The following HOMER2 variants were observed in gnomAD, a reference collection of about 807,000 sequenced individuals.
HOMER2 encodes homer scaffold protein 2, also known as homer protein homolog 2.
Under a neutral mutation model 47.0 loss-of-function variants are expected in HOMER2, and 27 were observed. That is an observed-to-expected ratio of 0.57 (90% CI 0.42 to 0.79). The LOEUF (loss-of-function observed/expected upper bound fraction) is 0.79, where lower values mean the gene tolerates loss of function less well. HOMER2 is among the 30% of genes least tolerant of loss of function. The pLI is 0.00. For synonymous variants in HOMER2, 161 were observed against 163.8 expected, an observed-to-expected ratio of 0.98 and a Z score of 0.13; for missense variants, 443 against 435.0, an observed-to-expected ratio of 1.02 and a Z score of -0.16.
chr15:82,927,443 C>T (rs1270781488), intron 1 of HOMER2, among the ~76,000 whole-genome samples: 4 of 152,088 alleles, frequency 2.6e-5, no homozygotes, highest in Non-Finnish European at 4.4e-5. Flanking sequence ...TTACCTAGGA[C>T]GGAGGAGCTT....
chr15:82,854,187 C>T (rs1465345967), intron 6 of HOMER2, among the ~76,000 whole-genome samples: 1 of 152,138 alleles, frequency 6.6e-6, no homozygotes, highest in Non-Finnish European at 1.5e-5. Flanking sequence ...GGTGTATCAC[C>T]TGAGGCCAGG....
At chr15:82,846,651 T>G (rs925587040), downstream of HOMER2, 1 of 152,186 alleles carries the variant, frequency 6.6e-6, no homozygotes, top group Non-Finnish European at 1.5e-5. Flanking sequence ...ATCTGCAAAA[T>G]GCAGGTGACA....
intron 1 of HOMER2, among the ~76,000 whole-genome samples, chr15:82,939,111 T>C (rs572388521): frequency 1.3e-5 from 2 of 152,362 alleles, no homozygotes; most frequent in Non-Finnish European, 2.9e-5. Context: ...GAGCTGAATT[T>C]ATACTTGCTA....
At chr15:82,959,678 C>T (rs1017361235) in intron 1 of HOMER2, among the ~76,000 whole-genome samples, 3 of 152,172 alleles carry the variant, frequency 2.0e-5, no homozygotes, top group South Asian at 2.1e-4. Context: ...GCCCAGGCAT[C>T]GGCAATCCTT....
chr15:82,912,433 G>T (rs1004132941), intron 1 of HOMER2, among the ~76,000 whole-genome samples: 1 of 151,852 alleles, frequency 6.6e-6, no homozygotes, highest in African/African-American at 2.4e-5. Flanking sequence ...TTCTTTTTAT[G>T]GCTGTATTAT....
rs539971221 is a variant in HOMER2 at position 82,848,996 on chromosome 15, A to T, written c.*719T>A. The stretch of plus-strand genomic sequence containing the variant: ...TCTGTGTACACATTTAATTGAACAA[A>T]TATTTATTAAGCACCTACTTTGTGC... On this transcript the variant is annotated 3_prime_UTR_variant, in exon 9 of 9. Transcript: ENST00000450735. 6.6e-6 allele frequency: 1 copy of T among 152,348 alleles called. No individual in the cohort carries two copies. The highest frequency in any genetic ancestry group is 6.5e-5 in the Admixed American group (1 of 15,300). 9.4% of individuals were successfully genotyped at this position (152,348 alleles called of 1,614,324 possible).
intron 1 of HOMER2, among the ~76,000 whole-genome samples, chr15:82,985,090 G>A (rs1305033832): frequency 6.6e-6 from 1 of 152,108 alleles, no homozygotes; most frequent in Non-Finnish European, 1.5e-5. Context: ...GAGATGAGGG[G>A]GAGAGACAGG....
In HOMER2 at chr15:82,950,558, A is replaced by T. The variant is rs531838153; in HGVS notation, c.5+1973T>A. On this transcript the variant is annotated intron_variant, in intron 1 of 8. Coordinates refer to ENST00000450735, the MANE Select transcript of HOMER2 (RefSeq NM_004839.4). Reference sequence around the variant, plus strand: ...CGGCTCCCTCCACCCTCCTGTCTGAATTGCTTCCCCAGCCCTTAGCTGCAT... The same window carrying T: ...CGGCTCCCTCCACCCTCCTGTCTGATTTGCTTCCCCAGCCCTTAGCTGCAT... Among the ~76,000 whole-genome samples, 6 of 152,176 alleles carry T rather than the reference A, an allele frequency of 3.9e-5. No homozygotes were observed. In the South Asian group the frequency reaches 1.2e-3, roughly 32 times the overall value.
Position 82,857,507 on chromosome 15 carries a change from T to C in HOMER2, c.494+1522A>G, listed in dbSNP as rs528242833. Among the ~76,000 whole-genome samples the C allele has an allele frequency of 1.1e-4, 15 of 139,094 alleles. No homozygotes were observed. The East Asian group carries it at 3.2e-3, about 30-fold the overall frequency. The allele number at this position is 139,094 out of a possible 152,430, so 91.3% of individuals were successfully genotyped here. Reference sequence around the variant, plus strand: ...GTGCAGTGGCGTGATCTTGGCTCACTGCAACCTCCGCCTCCCGGGTTCAAG... The same window carrying C: ...GTGCAGTGGCGTGATCTTGGCTCACCGCAACCTCCGCCTCCCGGGTTCAAG... On this transcript the variant is annotated intron_variant, in intron 5 of 8. Transcript: ENST00000450735.
chr15:82,871,739 G>A (rs908570842), intron 3 of HOMER2, among the ~76,000 whole-genome samples: 2 of 152,128 alleles, frequency 1.3e-5, no homozygotes, highest in African/African-American at 4.8e-5. Context: ...TCTTCTGTCT[G>A]GGAAAAATTA....
intron 1 of HOMER2, 79 bp downstream of exon 1, chr15:82,952,452 C>A (rs1753686562): frequency 1.1e-5 from 12 of 1,045,634 alleles, no homozygotes; most frequent in Non-Finnish European, 1.4e-5. Context: ...CGGGAGGCTC[C>A]GAGCCCGGTT....
In HOMER2 at chr15:82,907,704, A is replaced by G. The variant is rs187707706; in HGVS notation, c.6-14863T>C. ...GTTCTTTTTCAAAGTGACATGGAAC[A>G]TTCAAGATAGACCATATTCTGGGCC... On this transcript the variant is annotated intron_variant, in intron 1 of 8. Coordinates refer to ENST00000450735, the MANE Select transcript of HOMER2 (RefSeq NM_004839.4). Among the ~76,000 whole-genome samples the G allele has an allele frequency of 9.8e-5, 15 of 152,346 alleles. No individual in the cohort carries two copies. In the South Asian group the frequency reaches 1.2e-3, roughly 13 times the overall value.
At chr15:82,976,056 C>T (rs2030190405) in intron 1 of HOMER2, among the ~76,000 whole-genome samples, 1 of 152,130 alleles carries the variant, frequency 6.6e-6, no homozygotes, top group African/African-American at 2.4e-5. Context: ...CAGTCTGCAT[C>T]CTCTGCACCC....
intron 1 of HOMER2, among the ~76,000 whole-genome samples, chr15:82,896,000 C>G (rs1445412877): frequency 6.6e-6 from 1 of 152,098 alleles, no homozygotes; most frequent in Non-Finnish European, 1.5e-5. Flanking sequence ...GCCCCTAGAG[C>G]CAGCATCTCT....
intron 3 of HOMER2, among the ~76,000 whole-genome samples, chr15:82,872,722 A>G (rs946276684): frequency 6.7e-6 from 1 of 149,296 alleles, no homozygotes; most frequent in African/African-American, 2.6e-5. Flanking sequence ...TGTCGGGCAG[A>G]CGACGGAAAA....
At chr15:82,908,442 T>TCAAGA (rs1285298525) in intron 1 of HOMER2, among the ~76,000 whole-genome samples, 22 of 152,164 alleles carry the variant, frequency 1.4e-4, no homozygotes, top group Non-Finnish European at 1.5e-5. Context: ...ATCTGGTCTT[T>TCAAGA]CAAGAAATCA....
At chr15:82,942,765 C>T (rs779725713) in intron 1 of HOMER2, among the ~76,000 whole-genome samples, 5 of 152,186 alleles carry the variant, frequency 3.3e-5, no homozygotes, top group Non-Finnish European at 5.9e-5. Flanking sequence ...TGTTGATATA[C>T]ATGGGTCAGC....
At chr15:82,908,178 T>C (rs980655945) in intron 1 of HOMER2, among the ~76,000 whole-genome samples, 11 of 152,154 alleles carry the variant, frequency 7.2e-5, no homozygotes, top group Admixed American at 5.2e-4. Context: ...TAAAATTAGA[T>C]TGTGGTGATG....
At chr15:82,971,929 G>A (rs546618734) in intron 1 of HOMER2, among the ~76,000 whole-genome samples, 113 of 152,266 alleles carry the variant, frequency 7.4e-4, no homozygotes, top group African/African-American at 2.5e-3. Flanking sequence ...GGTTTTCCAG[G>A]CCTAAATCTC....
Sources: allele counts gnomAD v4.1 joint callset (sites outside exome capture counted in the v4.1 genomes callset), GRCh38; gene constraint gnomAD v4.1.1; transcripts MANE v1.5; gene names NCBI Gene and HGNC (gene_info 2026-07-23, HGNC 2026-07-21).